FAM184B: variants seen among roughly 807,000 people sequenced by gnomAD.
FAM184B encodes the protein protein FAM184B.
Under a neutral mutation model 135.9 loss-of-function variants are expected in FAM184B, and 111 were observed. The ratio of observed to expected loss-of-function variants is 0.82; its 90% CI spans 0.70 to 0.96. The LOEUF (loss-of-function observed/expected upper bound fraction) is 0.96. FAM184B is among the 40% of genes least tolerant of loss of function. The pLI is 0.00. For synonymous variants in FAM184B, 552 were observed against 524.8 expected (o/e 1.05, Z -0.71); for missense variants, 1,375 against 1,323.9 (o/e 1.04, Z -0.60).
At chr4:17,740,627 G>A (rs772308823) in intron 1 of FAM184B, among the ~76,000 whole-genome samples, 7 of 152,092 alleles carry the variant, frequency 4.6e-5, no homozygotes, top group South Asian at 2.1e-4. Flanking sequence ...GGGCCTCACC[G>A]TTCAGGTCAC....
chr4:17,723,892 C>T (rs571384541), intron 1 of FAM184B, among the ~76,000 whole-genome samples: 4 of 152,228 alleles, frequency 2.6e-5, no homozygotes, highest in South Asian at 2.1e-4. Context: ...CTCTTTTGTT[C>T]GTGCCCTGTG....
At chr4:17,687,653 A>G (rs529545206) in intron 7 of FAM184B, among the ~76,000 whole-genome samples, 57 of 152,312 alleles carry the variant, frequency 3.7e-4, no homozygotes, top group Middle Eastern at 3.4e-3. Context: ...GAAGGCACAA[A>G]GACTCAGAGA....
chr4:17,744,490 C>CACACCACA (rs1553841920), intron 1 of FAM184B, among the ~76,000 whole-genome samples: 1 of 137,394 alleles, frequency 7.3e-6, no homozygotes, highest in African/African-American at 2.8e-5. Context: ...CACACACACA[C>CACACCACA]CACACACACA....
At chr4:17,707,597 A>T in intron 3 of FAM184B, 52 bp downstream of exon 3, 3 of 1,544,828 alleles carry the variant, frequency 1.9e-6, no homozygotes, top group Non-Finnish European at 2.6e-6. Flanking sequence ...CACCAGACCA[A>T]CCTGGCAGCT....
At chr4:17,682,033 A>C (rs983247289) in intron 7 of FAM184B, among the ~76,000 whole-genome samples, 1 of 152,204 alleles carries the variant, frequency 6.6e-6, no homozygotes, top group Non-Finnish European at 1.5e-5. Context: ...ATTCTCCTGG[A>C]CATGCAGCCC....
At chr4:17,663,016 G>A (rs1457926837) in intron 8 of FAM184B, among the ~76,000 whole-genome samples, 1 of 152,126 alleles carries the variant, frequency 6.6e-6, no homozygotes, top group African/African-American at 2.4e-5. Context: ...GCTTGCTGCT[G>A]CCTCAACCTT....
rs1384866691 is a variant in FAM184B at position 17,693,386 on chromosome 4, C to G, written c.1404G>C (p.Val468=). The G allele has an allele frequency of 6.4e-7, 1 of 1,551,684 alleles. No homozygotes were observed. The highest frequency in any genetic ancestry group is 1.2e-5 in the South Asian group (1 of 84,058). The change falls in exon 6 of 18, where the codon GTG becomes GTC. Residue 468 remains valine (V), a synonymous_variant. Coordinates refer to ENST00000265018, the MANE Select transcript of FAM184B (RefSeq NM_015688.2). ...TTATCTCCTTTTCTGATTTCTTCCT[C>G]ACTTCCTCCAACTGTGCTTCTACTT... The part of the protein sequence containing the change: ...QREVEAQLEE[V]RKKSEKEIKQ...
At chr4:17,733,293 C>T (rs1216434813) in intron 1 of FAM184B, among the ~76,000 whole-genome samples, 1 of 152,190 alleles carries the variant, frequency 6.6e-6, no homozygotes, top group Non-Finnish European at 1.5e-5. Context: ...GGGATGCCCT[C>T]TCTCACCACT....
intron 1 of FAM184B, among the ~76,000 whole-genome samples, chr4:17,758,715 A>G (rs1718477046): frequency 6.6e-6 from 1 of 152,250 alleles, no homozygotes; most frequent in African/African-American, 2.4e-5. Flanking sequence ...TTAGCAGGCG[A>G]GAGCCTGAAT....
chr4:17,635,563 G>T (rs1224093536), intron 15 of FAM184B, among the ~76,000 whole-genome samples: 1 of 150,954 alleles, frequency 6.6e-6, no homozygotes, highest in Non-Finnish European at 1.5e-5. Flanking sequence ...TTGTTTGTGT[G>T]TATCATTTTC....
intron 6 of FAM184B, among the ~76,000 whole-genome samples, chr4:17,691,389 A>T (rs1043318991): frequency 2.6e-4 from 40 of 152,284 alleles, no homozygotes; most frequent in Non-Finnish European, 2.5e-4. Flanking sequence ...TATTGTTTTT[A>T]AAAAAAGAGC....
At chr4:17,729,181 G>A (rs1185312533) in intron 1 of FAM184B, among the ~76,000 whole-genome samples, 1 of 152,238 alleles carries the variant, frequency 6.6e-6, no homozygotes, top group Non-Finnish European at 1.5e-5. Flanking sequence ...AAACTGCAAG[G>A]TGGCAGCAAT....
At position 17,733,533 on chromosome 4, in the gene FAM184B, C is replaced by T. The variant is rs1717835400; in HGVS notation, c.142-23889G>A. On this transcript the variant is annotated intron_variant, in intron 1 of 17. Transcript: ENST00000265018. ...CAAAAATCACAAGCATTCTTATACA[C>T]CAGTAACAGACAGAGAGCCAAATCA... Among the ~76,000 whole-genome samples the T allele has an allele frequency of 2.6e-5, 4 of 152,194 alleles. No individual in the cohort carries two copies. In the South Asian group the frequency reaches 8.3e-4, roughly 32 times the overall value.
intron 5 of FAM184B, among the ~76,000 whole-genome samples, chr4:17,699,962 T>G (rs1367836701): frequency 6.6e-6 from 1 of 152,122 alleles, no homozygotes; most frequent in African/African-American, 2.4e-5. Context: ...GAGGTTTGTA[T>G]GTGTGAAGTA....
chr4:17,725,617 T>C (rs926260615), intron 1 of FAM184B, among the ~76,000 whole-genome samples: 1 of 152,132 alleles, frequency 6.6e-6, no homozygotes, highest in Non-Finnish European at 1.5e-5. Context: ...GGTTGGATAA[T>C]AGGGTTAAGT....
At chr4:17,659,264 C>T (rs1398225119) in intron 9 of FAM184B, among the ~76,000 whole-genome samples, 1 of 151,910 alleles carries the variant, frequency 6.6e-6, no homozygotes, top group Non-Finnish European at 1.5e-5. Context: ...TGTCACCATG[C>T]CCGGTAATTT....
Position 17,633,673 on chromosome 4 carries a change from C to T in FAM184B, c.3089+16G>A. ...GGAAATAGAATAAGGGCCCCTGTCC[C>T]CAACATCCCCCAAACCTTGTGGCAG... On this transcript the variant is annotated intron_variant, in intron 17 of 17. Transcript: ENST00000265018. The T allele has an allele frequency of 6.7e-7, 1 of 1,497,990 alleles. No homozygotes were observed. Among genetic ancestry groups the T allele is most frequent in the Non-Finnish European group, 8.9e-7 (1 of 1,118,718 alleles). The allele number at this position is 1,497,990 out of a possible 1,614,324, so 92.8% of individuals were successfully genotyped here. A position where few individuals can be genotyped will look rare whatever the true frequency, so the allele number is the denominator to read the frequency against.
chr4:17,688,537 A>G lies in FAM184B; in HGVS notation c.1489-6T>C. 1 of 1,542,054 alleles carries G rather than the reference A, an allele frequency of 6.5e-7. No homozygotes were observed. The highest frequency in any genetic ancestry group is 8.8e-7 in the Non-Finnish European group (1 of 1,142,754). The stretch of plus-strand genomic sequence containing the variant: ...AATTCTTCCAGCCTTAAAACCTAAA[A>G]CAGGAGATAAGAAACACCACACAAT... On this transcript the variant is annotated splice_polypyrimidine_tract_variant and splice_region_variant and intron_variant, in intron 6 of 17. Coordinates refer to ENST00000265018, the MANE Select transcript of FAM184B (RefSeq NM_015688.2).
intron 1 of FAM184B, among the ~76,000 whole-genome samples, chr4:17,767,998 G>A (rs1265769278): frequency 6.6e-6 from 1 of 152,060 alleles, no homozygotes; most frequent in African/African-American, 2.4e-5. Flanking sequence ...TTAACACAAA[G>A]GCTACTCTAG....
Sources: gnomAD v4.1 joint callset for allele counts (sites outside exome capture counted in the v4.1 genomes callset) on GRCh38, gnomAD v4.1.1 for gene constraint, MANE v1.5 for transcripts, NCBI Gene and HGNC (gene_info 2026-07-23, HGNC 2026-07-21) for gene names.